ADAMTS2: variants seen among roughly 807,000 people sequenced by gnomAD.
ADAMTS2 encodes A disintegrin and metalloproteinase with thrombospondin motifs 2.
A neutral mutation model predicts 123.0 loss-of-function variants in ADAMTS2; 50 were observed. That is an observed-to-expected ratio of 0.41 (90% CI 0.32 to 0.51). ADAMTS2 has a LOEUF of 0.51. Ranked by LOEUF, ADAMTS2 falls within the 20% of genes least tolerant of loss-of-function variation. The pLI is 0.35. For missense variants in ADAMTS2, 1,494 were observed against 1,705.2 expected, an observed-to-expected ratio of 0.88 and a Z score of 2.18; for synonymous variants, 678 against 695.4, an observed-to-expected ratio of 0.98 and a Z score of 0.39.
rs1056691161 is a variant in ADAMTS2, at chr5:179,308,569, G to A, written c.534+35198C>T. On this transcript the variant is annotated intron_variant, in intron 2 of 21. Transcript: ENST00000251582. The surrounding 1 kb of genome is among the most constrained non-coding windows in gnomAD (Gnocchi z 6.6). ...TAGACAGCCTCATTTTTTTTTTCTA[G>A]GCAAAACTTTGGGAGGATCCTTTTT... 4.0e-5 allele frequency among the ~76,000 whole-genome samples: 6 copies of A among 151,880 alleles called. No homozygotes were observed. Among genetic ancestry groups the A allele is most frequent in the Non-Finnish European group, 7.4e-5 (5 of 67,938 alleles).
chr5:179,114,109 C>A lies in ADAMTS2; in HGVS notation c.3394G>T (p.Val1132Leu), dbSNP rs776650760. 3.7e-6 allele frequency: 6 copies of A among 1,613,944 alleles called. No individual in the cohort carries two copies. In the East Asian group the frequency reaches 8.9e-5, roughly 24 times the overall value. Residue 1132 changes from valine (V) to leucine (L), a missense_variant, in exon 22 of 22, where the codon GTG becomes TTG. This residue lies in a region of ADAMTS2 where 953 missense variants were observed against 1,124.7 expected (regional missense o/e 0.85). Coordinates refer to ENST00000251582, the MANE Select transcript of ADAMTS2 (RefSeq NM_014244.5). ...TLPVPTVAME[V>L]RPSPSTPLEV... ...AGGGGGGTGCTTGGTGATGGCCGCA[C>A]CTCCATGGCTACAGTGGGCACTGGG...
chr5:179,171,387 T>C (rs956217490), intron 5 of ADAMTS2, among the ~76,000 whole-genome samples: 3 of 152,322 alleles, frequency 2.0e-5, no homozygotes, highest in African/African-American at 7.2e-5. Context: ...CTGTGCCCTC[T>C]ACCCCAAGCC....
At position 179,114,179 on chromosome 5, in the gene ADAMTS2, T is replaced by C. The variant is rs1312324357; in HGVS notation, c.3324A>G (p.Pro1108=). ...CAATGTCGTTGTGCTTCCCAGGCGGTGGCTCTATCCTGCCCTCCACGTTGG... is the reference window on the plus strand; with the variant it reads ...CAATGTCGTTGTGCTTCCCAGGCGGCGGCTCTATCCTGCCCTCCACGTTGG... The part of the protein sequence containing the change: ...NLTNVEGRIE[P]PPGKHNDIDV... Residue 1108 remains proline, a synonymous_variant, in exon 22 of 22, where the codon CCA becomes CCG. Coordinates refer to ENST00000251582, the MANE Select transcript of ADAMTS2 (RefSeq NM_014244.5). 1 of 1,612,288 alleles carries C rather than the reference T, an allele frequency of 6.2e-7. No individual in the cohort carries two copies. Among genetic ancestry groups the C allele is most frequent in the East Asian group, 2.2e-5 (1 of 44,852 alleles).
rs562371781 is a variant in ADAMTS2, at chr5:179,113,661, G to C, written c.*206C>G. ...ACACCTGACGCCACCACAGTATTTG[G>C]TCGCTCCTGGGCTGGGAAGCACACG... On this transcript the variant is annotated 3_prime_UTR_variant, in exon 22 of 22. Transcript: ENST00000251582. 2 of 610,552 alleles carry C rather than the reference G, an allele frequency of 3.3e-6. No homozygotes were observed. The highest frequency in any genetic ancestry group is 5.8e-6 in the Non-Finnish European group (2 of 347,682). The allele number at this position is 610,552 out of a possible 1,614,324, so 37.8% of individuals were successfully genotyped here. A position where few individuals can be genotyped will look rare whatever the true frequency, so the allele number is the denominator to read the frequency against.
intron 10 of ADAMTS2, among the ~76,000 whole-genome samples, chr5:179,140,808 T>TTTTA (rs1461086943): frequency 1.5e-5 from 2 of 136,352 alleles, no homozygotes; most frequent in African/African-American, 5.5e-5. Context: ...TCTTTTTTTT[T>TTTTA]TTTTTTTTTT....
intron 2 of ADAMTS2, among the ~76,000 whole-genome samples, chr5:179,329,553 T>C (rs1285807459): frequency 6.6e-6 from 1 of 151,560 alleles, no homozygotes; most frequent in African/African-American, 2.4e-5. Flanking sequence ...ATTAAAGGAG[T>C]TATATATTTA....
At chr5:179,255,187 T>C (rs916266674) in intron 3 of ADAMTS2, among the ~76,000 whole-genome samples, 1 of 151,822 alleles carries the variant, frequency 6.6e-6, no homozygotes, top group African/African-American at 2.4e-5. Flanking sequence ...GGATAAATGA[T>C]TGGATAGATG....
intron 2 of ADAMTS2, among the ~76,000 whole-genome samples, chr5:179,284,408 G>A (rs1755949102): frequency 1.3e-5 from 2 of 152,030 alleles, no homozygotes; most frequent in Non-Finnish European, 2.9e-5. Context: ...TGGAGACAGT[G>A]TCTTGTTCTG....
At chr5:179,207,179 C>T (rs1561805113) in intron 4 of ADAMTS2, among the ~76,000 whole-genome samples, 1 of 151,374 alleles carries the variant, frequency 6.6e-6, no homozygotes, top group African/African-American at 2.4e-5. Context: ...TTAAAAGTGG[C>T]AAACATCAAG....
chr5:179,229,612 G>A (rs1765364240), intron 3 of ADAMTS2, among the ~76,000 whole-genome samples: 1 of 152,164 alleles, frequency 6.6e-6, no homozygotes, highest in Non-Finnish European at 1.5e-5. Flanking sequence ...CTGGGGTGCA[G>A]AGGTACATCC....
At chr5:179,279,425 T>C (rs190524111) in intron 2 of ADAMTS2, among the ~76,000 whole-genome samples, 1 of 152,348 alleles carries the variant, frequency 6.6e-6, no homozygotes, top group Non-Finnish European at 1.5e-5. Context: ...AACTCCAAGA[T>C]TCTTTCTCCC....
intron 3 of ADAMTS2, among the ~76,000 whole-genome samples, chr5:179,245,797 A>AC: frequency 1.5e-5 from 1 of 68,324 alleles, no homozygotes; most frequent in African/African-American, 3.4e-5. Context: ...AAAAAAAAAC[A>AC]AAAAAAACAA....
intron 10 of ADAMTS2, among the ~76,000 whole-genome samples, chr5:179,142,265 G>T (rs1388204460): frequency 6.6e-6 from 1 of 152,202 alleles, no homozygotes; most frequent in Admixed American, 6.5e-5. Flanking sequence ...CCAGCTACAG[G>T]TTGAGTGTCC....
chr5:179,315,388 GTCC>G lies in ADAMTS2; in HGVS notation c.534+28376_534+28378del, dbSNP rs1275356427. Among the ~76,000 whole-genome samples the G allele has an allele frequency of 2.8e-5, 3 of 105,656 alleles. No individual in the cohort carries two copies. The East Asian group carries it at 8.0e-4, about 28-fold the overall frequency. The allele number at this position is 105,656 out of a possible 152,430, so 69.3% of individuals were successfully genotyped here. On this transcript the variant is annotated intron_variant, in intron 2 of 21. Coordinates refer to ENST00000251582, the MANE Select transcript of ADAMTS2 (RefSeq NM_014244.5). Reference sequence around the variant, plus strand: ...GCACTCCTGCCAGTGAAGTGGGGGTGTCCCCAAAGGGGGTTTGTTTCCCACCAT... The same window carrying G: ...GCACTCCTGCCAGTGAAGTGGGGGTGCCAAAGGGGGTTTGTTTCCCACCAT...
intron 2 of ADAMTS2, among the ~76,000 whole-genome samples, chr5:179,309,785 G>C (rs1029640812): frequency 1.7e-5 from 2 of 120,046 alleles, no homozygotes; most frequent in Non-Finnish European, 3.6e-5. Context: ...AAAAAAAAAA[G>C]GCTCTGGCCC....
chr5:179,283,601 A>G (rs1755898538), intron 2 of ADAMTS2, among the ~76,000 whole-genome samples: 1 of 150,644 alleles, frequency 6.6e-6, no homozygotes, highest in East Asian at 1.9e-4. Context: ...AAATTAGATG[A>G]CAGAAGTAAG....
At chr5:179,298,673 G>A (rs577115989) in intron 2 of ADAMTS2, among the ~76,000 whole-genome samples, 127 of 152,286 alleles carry the variant, frequency 8.3e-4, no homozygotes, top group African/African-American at 2.8e-3. Context: ...GAGATGCCTA[G>A]AAATGCTAGA....
At chr5:179,153,031 G>T (rs1193822652) in intron 9 of ADAMTS2, among the ~76,000 whole-genome samples, 1 of 152,216 alleles carries the variant, frequency 6.6e-6, no homozygotes, top group Non-Finnish European at 1.5e-5. Flanking sequence ...CATGCCGATG[G>T]CCGGTTCCTC....
At position 179,317,285 on chromosome 5, in the gene ADAMTS2, T is replaced by A. The variant is rs1757026490; in HGVS notation, c.534+26482A>T. Among the ~76,000 whole-genome samples the A allele has an allele frequency of 6.6e-6, 1 of 152,240 alleles. No homozygotes were observed. Among genetic ancestry groups the A allele is most frequent in the Non-Finnish European group, 1.5e-5 (1 of 68,044 alleles). On this transcript the variant is annotated intron_variant, in intron 2 of 21. Transcript: ENST00000251582. This position sits in a 1 kb window ranked among gnomAD's most constrained non-coding sequence, Gnocchi z 4.9. Reference sequence around the variant, plus strand: ...TGCGTAGGTCTGGCTACAGCTATCCTTGTCCCTGAAGATGGACTCAGCTAG... The same window carrying A: ...TGCGTAGGTCTGGCTACAGCTATCCATGTCCCTGAAGATGGACTCAGCTAG...
Sources: gnomAD v4.1 joint callset for allele counts (sites outside exome capture counted in the v4.1 genomes callset) on GRCh38, gnomAD v4.1.1 for gene constraint, gnomAD v4.1.1 regional missense constraint, Gnocchi (gnomAD v3.1) non-coding constraint, MANE v1.5 for transcripts, NCBI Gene and HGNC (gene_info 2026-07-23, HGNC 2026-07-21) for gene names.